FRAS1: variants seen among roughly 807,000 people sequenced by gnomAD.
FRAS1 encodes Fraser extracellular matrix complex subunit 1.
A neutral mutation model predicts 435.2 loss-of-function variants in FRAS1; 290 were observed. The ratio of observed to expected loss-of-function variants is 0.67; its 90% CI spans 0.61 to 0.73. The LOEUF is 0.73. FRAS1 is among the 30% of genes least tolerant of loss of function. FRAS1 has a pLI of 0.00. For synonymous variants in FRAS1, 1,800 were observed against 1,851.0 expected (o/e 0.97, Z 0.71); for missense variants, 4,860 against 5,001.5 (o/e 0.97, Z 0.85).
intron 2 of FRAS1, among the ~76,000 whole-genome samples, chr4:78,143,075 A>G (rs1307073891): frequency 6.6e-6 from 1 of 152,142 alleles, no homozygotes; most frequent in African/African-American, 2.4e-5. Flanking sequence ...ATCAGATTGG[A>G]AAAACAAACA....
intron 65 of FRAS1, among the ~76,000 whole-genome samples, chr4:78,514,072 G>A (rs928263824): frequency 2.6e-5 from 4 of 152,202 alleles, no homozygotes; most frequent in African/African-American, 4.8e-5. Flanking sequence ...GAGAAGGAGC[G>A]AAACAGGATT....
intron 63 of FRAS1, 67 bp downstream of exon 63, chr4:78,509,073 C>G (rs1281533802): frequency 7.9e-6 from 12 of 1,524,622 alleles, no homozygotes; most frequent in Non-Finnish European, 1.1e-5. Context: ...CTTTGTTACT[C>G]AGATAATCAA....
chr4:78,533,584 T>C lies in FRAS1; in HGVS notation c.10926-865T>C, dbSNP rs1480921926. Among the ~76,000 whole-genome samples, 3 of 152,268 alleles carry C rather than the reference T, an allele frequency of 2.0e-5. No individual in the cohort carries two copies. In the South Asian group the frequency reaches 6.2e-4, roughly 31 times the overall value. On this transcript the variant is annotated intron_variant, in intron 70 of 73. Transcript: ENST00000512123. ...AGTTTTTGAAAATGACACTGGCTCA[T>C]GCGTTGCATGATAGATGTAGAATAG...
intron 4 of FRAS1, among the ~76,000 whole-genome samples, chr4:78,251,848 C>T (rs1176918971): frequency 6.6e-6 from 1 of 152,142 alleles, no homozygotes; most frequent in Non-Finnish European, 1.5e-5. Flanking sequence ...TGCTTGGGTA[C>T]ATCATTTCCT....
chr4:78,298,188 G>A (rs1728237747), intron 14 of FRAS1, among the ~76,000 whole-genome samples: 1 of 147,954 alleles, frequency 6.8e-6, no homozygotes, highest in East Asian at 2.0e-4. Flanking sequence ...AAAATATAAG[G>A]TACAGATATA....
chr4:78,243,503 G>C (rs1163017511), intron 3 of FRAS1, among the ~76,000 whole-genome samples: 1 of 152,030 alleles, frequency 6.6e-6, no homozygotes, highest in African/African-American at 2.4e-5. Flanking sequence ...TACATGGTTA[G>C]GTGGCAGGAA....
chr4:78,495,802 T>C (rs1720493248), intron 59 of FRAS1, among the ~76,000 whole-genome samples: 1 of 152,154 alleles, frequency 6.6e-6, no homozygotes, highest in African/African-American at 2.4e-5. Flanking sequence ...GCTTTGAAAC[T>C]TGTCATTCAC....
At chr4:78,180,154 G>T (rs1169650288) in intron 2 of FRAS1, among the ~76,000 whole-genome samples, 1 of 152,112 alleles carries the variant, frequency 6.6e-6, no homozygotes, top group Non-Finnish European at 1.5e-5. Context: ...GGGTGTGCTG[G>T]ATGTGGTGAA....
chr4:78,277,417 G>A (rs1727102879), intron 9 of FRAS1, among the ~76,000 whole-genome samples: 1 of 152,152 alleles, frequency 6.6e-6, no homozygotes, highest in African/African-American at 2.4e-5. Flanking sequence ...CATGCTGGTA[G>A]CTGTAGACTG....
chr4:78,084,059 A>T (rs1741028855), intron 2 of FRAS1, among the ~76,000 whole-genome samples: 2 of 152,020 alleles, frequency 1.3e-5, no homozygotes, highest in Non-Finnish European at 2.9e-5. Flanking sequence ...TCTAGCATCC[A>T]CCAAAAGGGA....
intron 38 of FRAS1, among the ~76,000 whole-genome samples, chr4:78,433,813 A>C (rs945100754): frequency 3.9e-5 from 6 of 152,258 alleles, no homozygotes; most frequent in African/African-American, 1.4e-4. Flanking sequence ...AATGTTTCAC[A>C]GTCCAAAATA....
intron 14 of FRAS1, among the ~76,000 whole-genome samples, chr4:78,307,200 C>G (rs1728779919): frequency 6.6e-6 from 1 of 152,216 alleles, no homozygotes; most frequent in South Asian, 2.1e-4. Context: ...CAGGGACCCA[C>G]TTGAGGAGGC....
intron 66 of FRAS1, among the ~76,000 whole-genome samples, chr4:78,518,121 AAAACAAACAAACAAAC>A (rs71661172): frequency 4.7e-5 from 7 of 149,570 alleles, no homozygotes; most frequent in East Asian, 2.0e-4. Context: ...CATCTCTTGA[AAAACAAACAAACAAAC>A]AAACAAACAA....
intron 47 of FRAS1, among the ~76,000 whole-genome samples, chr4:78,459,278 C>G (rs1719295875): frequency 6.6e-6 from 1 of 152,216 alleles, no homozygotes; most frequent in Non-Finnish European, 1.5e-5. Flanking sequence ...TTTCTCCCTT[C>G]AACAAACACT....
chr4:78,449,460 T>A (rs1718951470), intron 44 of FRAS1, among the ~76,000 whole-genome samples: 1 of 152,134 alleles, frequency 6.6e-6, no homozygotes, highest in South Asian at 2.1e-4. Context: ...AACATGTCAC[T>A]CCAAACACCA....
chr4:78,475,294 C>T (rs1435499916), intron 53 of FRAS1, 144 bp from the exon 54 acceptor site: 53 of 752,078 alleles, frequency 7.0e-5, no homozygotes, highest in Admixed American at 3.4e-4. Context: ...CCTCAATTTA[C>T]AGCCTGGATT....
chr4:78,113,579 T>C (rs1361652055), intron 2 of FRAS1, among the ~76,000 whole-genome samples: 1 of 152,248 alleles, frequency 6.6e-6, no homozygotes, highest in Non-Finnish European at 1.5e-5. Context: ...TGATGGCCAG[T>C]GATGATGAGC....
intron 14 of FRAS1, among the ~76,000 whole-genome samples, chr4:78,289,956 T>C (rs1307723889): frequency 6.6e-6 from 1 of 152,134 alleles, no homozygotes; most frequent in Non-Finnish European, 1.5e-5. Flanking sequence ...AAAACTCAGG[T>C]ATTAAATCTA....
At chr4:78,420,879 CATAT>C (rs72430754) in intron 33 of FRAS1, among the ~76,000 whole-genome samples, 2,519 of 94,948 alleles carry the variant, frequency 0.027, 39 homozygotes, top group East Asian at 0.11. Context: ...ACTAATAGGA[CATAT>C]ATATATATAT....
Sources: gnomAD v4.1 joint callset for allele counts (sites outside exome capture counted in the v4.1 genomes callset) on GRCh38, gnomAD v4.1.1 for gene constraint, MANE v1.5 for transcripts, NCBI Gene and HGNC (gene_info 2026-07-23, HGNC 2026-07-21) for gene names.